Variants in VGLL4 observed in about 807,000 individuals in gnomAD.
VGLL4 encodes the protein transcription cofactor vestigial-like protein 4.
A neutral mutation model predicts 21.0 loss-of-function variants in VGLL4; 7 were observed. The ratio of observed to expected loss-of-function variants is 0.33; its 90% CI spans 0.19 to 0.63. The LOEUF (loss-of-function observed/expected upper bound fraction) is 0.63. Ranked by LOEUF, VGLL4 falls within the 20% of genes least tolerant of loss-of-function variation. VGLL4 has a pLI of 0.78. For missense variants in VGLL4, 394 were observed against 425.7 expected, an observed-to-expected ratio of 0.93 and a Z score of 0.66; for synonymous variants, 222 against 173.2, an observed-to-expected ratio of 1.28 and a Z score of -2.21.
chr3:11,574,954 T>A (rs960838004), intron 2 of VGLL4, among the ~76,000 whole-genome samples: 1 of 152,018 alleles, frequency 6.6e-6, no homozygotes, highest in African/African-American at 2.4e-5. Flanking sequence ...CGAGTTACCA[T>A]CCAAAACCCT....
At chr3:11,690,366 A>G (rs2076509789) in intron 2 of VGLL4, among the ~76,000 whole-genome samples, 1 of 152,220 alleles carries the variant, frequency 6.6e-6, no homozygotes, top group Admixed American at 6.5e-5. Flanking sequence ...TTTTGGCAAG[A>G]GAGAAGCTGG....
intron 2 of VGLL4, among the ~76,000 whole-genome samples, chr3:11,594,880 G>A (rs534784415): frequency 9.8e-5 from 15 of 152,316 alleles, no homozygotes; most frequent in South Asian, 2.1e-4. Flanking sequence ...ACACGAAGGC[G>A]GCCAGGCACG....
chr3:11,665,522 G>T (rs904421026), intron 2 of VGLL4, among the ~76,000 whole-genome samples: 1 of 152,218 alleles, frequency 6.6e-6, no homozygotes, highest in African/African-American at 2.4e-5. Context: ...GCCACAGCCT[G>T]AGGCTGAGTG....
At chr3:11,562,186 T>C (rs1485376740) in intron 3 of VGLL4, among the ~76,000 whole-genome samples, 2 of 152,316 alleles carry the variant, frequency 1.3e-5, no homozygotes, top group East Asian at 1.9e-4. Context: ...TGTGAGCCAC[T>C]GTGCCCAGCC....
At chr3:11,645,519 A>G (rs1236960796), upstream of VGLL4, among the ~76,000 whole-genome samples, 3 of 95,784 alleles carry the variant, frequency 3.1e-5, no homozygotes, top group African/African-American at 8.1e-5. Flanking sequence ...GAACCCGGGA[A>G]GCGGAGCTTG....
chr3:11,636,718 G>A (rs2075595055), intron 1 of VGLL4, among the ~76,000 whole-genome samples: 1 of 152,178 alleles, frequency 6.6e-6, no homozygotes, highest in South Asian at 2.1e-4. Context: ...CCAAAACTGT[G>A]CAGAATTTTC....
intron 2 of VGLL4, among the ~76,000 whole-genome samples, chr3:11,690,452 A>G (rs931801570): frequency 1.3e-5 from 2 of 152,172 alleles, no homozygotes; most frequent in African/African-American, 4.8e-5. Flanking sequence ...CTTTTTTCTA[A>G]TTTAAAATGC....
intron 2 of VGLL4, among the ~76,000 whole-genome samples, chr3:11,664,981 C>T (rs1349001475): frequency 1.3e-5 from 2 of 151,482 alleles, no homozygotes; most frequent in Non-Finnish European, 2.9e-5. Context: ...GGCTGGAGTG[C>T]AGCAGCAACT....
At chr3:11,672,029 T>C (rs1032717677) in intron 2 of VGLL4, among the ~76,000 whole-genome samples, 4 of 152,164 alleles carry the variant, frequency 2.6e-5, no homozygotes, top group Admixed American at 2.6e-4. Flanking sequence ...TCTCCATTTG[T>C]TTATCTCCTG....
At chr3:11,714,463 G>T (rs1178059434) in intron 1 of VGLL4, among the ~76,000 whole-genome samples, 1 of 151,992 alleles carries the variant, frequency 6.6e-6, no homozygotes, top group Non-Finnish European at 1.5e-5. Context: ...GGCCAAGGCA[G>T]GTGGATCGCT....
At chr3:11,627,288 A>G (rs2125309531) in intron 1 of VGLL4, 1 of 150,144 alleles carries the variant, frequency 6.7e-6, no homozygotes, top group African/African-American at 2.5e-5. Context: ...TGAGAAAACC[A>G]TCAATGTGTC....
intron 2 of VGLL4, among the ~76,000 whole-genome samples, chr3:11,659,548 T>G (rs2647375): frequency 1 from 151,830 of 151,836 alleles, 75,912 homozygotes; most frequent in Middle Eastern, 1. Context: ...GTCAGGCTGG[T>G]TCTTGAACTC....
chr3:11,625,500 C>CA (rs2075335134), intron 1 of VGLL4, among the ~76,000 whole-genome samples: 1 of 152,212 alleles, frequency 6.6e-6, no homozygotes, highest in African/African-American at 2.4e-5. Flanking sequence ...AAATGTCACT[C>CA]AGATTCTAAA....
intron 1 of VGLL4, among the ~76,000 whole-genome samples, chr3:11,613,781 CTGTT>C (rs896587308): frequency 1.3e-5 from 2 of 152,230 alleles, no homozygotes; most frequent in African/African-American, 4.8e-5. Flanking sequence ...ATTTATTACA[CTGTT>C]TGTTGGATTC....
chr3:11,688,405 T>C (rs1010452878), intron 2 of VGLL4, among the ~76,000 whole-genome samples: 1 of 152,218 alleles, frequency 6.6e-6, no homozygotes, highest in Non-Finnish European at 1.5e-5. Context: ...CTCACATCTC[T>C]GACTACTTGT....
chr3:11,631,884 A>G (rs1374397039), intron 1 of VGLL4, among the ~76,000 whole-genome samples: 3 of 152,192 alleles, frequency 2.0e-5, no homozygotes, highest in Non-Finnish European at 4.4e-5. Flanking sequence ...CTCACGAAGT[A>G]CTCCACTATC....
At chr3:11,593,768 C>T (rs1489949759) in intron 2 of VGLL4, among the ~76,000 whole-genome samples, 2 of 152,122 alleles carry the variant, frequency 1.3e-5, no homozygotes, top group African/African-American at 2.4e-5. Flanking sequence ...GTCATAGAAG[C>T]AAAGACAACA....
intron 1 of VGLL4, among the ~76,000 whole-genome samples, chr3:11,639,426 C>A (rs2075647079): frequency 6.6e-6 from 1 of 152,248 alleles, no homozygotes. Context: ...ATCACAACAG[C>A]CTCGGAATTT....
intron 2 of VGLL4, among the ~76,000 whole-genome samples, chr3:11,650,227 G>A (rs2075851279): frequency 6.6e-6 from 1 of 152,084 alleles, no homozygotes; most frequent in Admixed American, 6.6e-5. Flanking sequence ...GAGCCACCAC[G>A]CCTGGCCCAA....
Sources: allele counts gnomAD v4.1 joint callset (sites outside exome capture counted in the v4.1 genomes callset), GRCh38; gene constraint gnomAD v4.1.1; transcripts MANE v1.5; gene names NCBI Gene and HGNC (gene_info 2026-07-23, HGNC 2026-07-21).